Variants in RNF152 observed in about 807,000 individuals in gnomAD.
RNF152 encodes ring finger protein 152, also known as E3 ubiquitin-protein ligase RNF152.
Under a neutral mutation model 12.7 loss-of-function variants are expected in RNF152, and 11 were observed. The observed-to-expected ratio is 0.86, with a 90% CI of 0.54 to 1.43. The LOEUF (loss-of-function observed/expected upper bound fraction) is 1.43. Among genes scored for constraint, RNF152 ranks in the 40% most tolerant of loss-of-function variants. The pLI is 0.00. For synonymous variants in RNF152, 113 were observed against 120.3 expected, an observed-to-expected ratio of 0.94 and a Z score of 0.40; for missense variants, 255 against 274.8, an observed-to-expected ratio of 0.93 and a Z score of 0.51.
chr18:61,823,303 G>T (rs891020190), intron 1 of RNF152, among the ~76,000 whole-genome samples: 1 of 152,102 alleles, frequency 6.6e-6, no homozygotes, highest in Non-Finnish European at 1.5e-5. Flanking sequence ...GTTTAAACAT[G>T]TTTTTTGTTT....
intron 1 of RNF152, among the ~76,000 whole-genome samples, chr18:61,836,554 A>G (rs1259168014): frequency 1.3e-5 from 2 of 152,186 alleles, no homozygotes; most frequent in African/African-American, 4.8e-5. Flanking sequence ...TCTGCAAACC[A>G]GAAAGAAGGT....
chr18:61,866,417 G>A (rs1327491122), intron 1 of RNF152, among the ~76,000 whole-genome samples: 1 of 150,662 alleles, frequency 6.6e-6, no homozygotes, highest in Non-Finnish European at 1.5e-5. Context: ...AAGCTACAGA[G>A]TGAGAATCTG....
intron 1 of RNF152, among the ~76,000 whole-genome samples, chr18:61,834,943 A>T (rs913901705): frequency 9.9e-5 from 15 of 152,170 alleles, no homozygotes; most frequent in Non-Finnish European, 1.8e-4. Flanking sequence ...TCCCACTGCA[A>T]AGATCTGCAA....
intron 1 of RNF152, among the ~76,000 whole-genome samples, chr18:61,841,209 T>G (rs1910440516): frequency 6.6e-6 from 1 of 152,222 alleles, no homozygotes; most frequent in Admixed American, 6.5e-5. Flanking sequence ...TAGCAGTGAT[T>G]TCCAGTTTCC....
At chr18:61,841,952 C>CAAA (rs1568274013) in intron 1 of RNF152, among the ~76,000 whole-genome samples, 1 of 152,198 alleles carries the variant, frequency 6.6e-6, no homozygotes, top group East Asian at 1.9e-4. Flanking sequence ...CAATACGTAA[C>CAAA]AAATGGACAT....
At chr18:61,844,187 AAGGAAGGGAAGGAGGGAGGGAAGG>A (rs1910639853) in intron 1 of RNF152, among the ~76,000 whole-genome samples, 1 of 58,288 alleles carries the variant, frequency 1.7e-5, no homozygotes, top group African/African-American at 4.7e-5. Context: ...GAGAGGAAGG[AAGGAAGGGAAGGAGGGAGGGAAGG>A]AGGGAGGGAA....
intron 1 of RNF152, among the ~76,000 whole-genome samples, chr18:61,832,198 C>A: frequency 6.6e-6 from 1 of 152,098 alleles, no homozygotes; most frequent in East Asian, 1.9e-4. Flanking sequence ...TCTACCAGTG[C>A]AAAAGGATAT....
intron 1 of RNF152, among the ~76,000 whole-genome samples, chr18:61,836,708 T>C (rs146104794): frequency 6.7e-6 from 1 of 149,256 alleles, no homozygotes; most frequent in East Asian, 1.9e-4. Flanking sequence ...GATGGTAATG[T>C]TTTATAAGAC....
chr18:61,828,273 T>G (rs961322921), intron 1 of RNF152, among the ~76,000 whole-genome samples: 4 of 152,190 alleles, frequency 2.6e-5, no homozygotes, highest in Admixed American at 2.0e-4. Flanking sequence ...GACGGGGTCT[T>G]GCTATGTTGC....
intron 1 of RNF152, among the ~76,000 whole-genome samples, chr18:61,833,014 T>C (rs1038587539): frequency 2.6e-5 from 4 of 152,224 alleles, no homozygotes; most frequent in African/African-American, 7.2e-5. Context: ...CAGTAAGGCA[T>C]ACATTAATTC....
chr18:61,821,080 G>A (rs928870094), intron 1 of RNF152, among the ~76,000 whole-genome samples: 1 of 152,210 alleles, frequency 6.6e-6, no homozygotes, highest in East Asian at 1.9e-4. Flanking sequence ...TCTGCCCAGA[G>A]GCACTTCCTG....
At chr18:61,890,893 C>G (rs1003940886) in intron 1 of RNF152, among the ~76,000 whole-genome samples, 1 of 152,172 alleles carries the variant, frequency 6.6e-6, no homozygotes, top group Admixed American at 6.5e-5. Flanking sequence ...ACAGCAACAG[C>G]CATTTATGAA....
intron 1 of RNF152, among the ~76,000 whole-genome samples, chr18:61,868,911 AT>A (rs759372919): frequency 3.3e-5 from 5 of 152,206 alleles, no homozygotes; most frequent in Admixed American, 1.3e-4. Flanking sequence ...ACACATCTTC[AT>A]AGATGACTTA....
In RNF152 at chr18:61,815,831, G is replaced by A; in HGVS notation, c.*21C>T. On this transcript the variant is annotated 3_prime_UTR_variant, in exon 2 of 2. Coordinates refer to ENST00000312828, the MANE Select transcript of RNF152 (RefSeq NM_173557.3). Reference sequence around the variant, plus strand: ...TCAACCCCTAAGTTGGCACCCACAAGAGACTTCCCTGCAGCCCTCTTCAGC... The same window carrying A: ...TCAACCCCTAAGTTGGCACCCACAAAAGACTTCCCTGCAGCCCTCTTCAGC... 6.2e-7 allele frequency: 1 copy of A among 1,606,208 alleles called. No homozygotes were observed. Among genetic ancestry groups the A allele is most frequent in the African/African-American group, 1.3e-5 (1 of 74,954 alleles).
chr18:61,860,075 C>A (rs1213954431), intron 1 of RNF152, among the ~76,000 whole-genome samples: 1 of 151,964 alleles, frequency 6.6e-6, no homozygotes, highest in Non-Finnish European at 1.5e-5. Context: ...GGAGAGACAG[C>A]CATGTGATGA....
intron 1 of RNF152, among the ~76,000 whole-genome samples, chr18:61,842,840 AT>A (rs1049302534): frequency 3.3e-5 from 5 of 152,324 alleles, no homozygotes. Context: ...CAGGAAACCC[AT>A]TCACTATCAC....
intron 1 of RNF152, among the ~76,000 whole-genome samples, chr18:61,872,538 G>A (rs1376852202): frequency 1.3e-5 from 2 of 152,158 alleles, no homozygotes; most frequent in East Asian, 3.8e-4. Flanking sequence ...AAATATTCAT[G>A]AAATCATGCC....
At chr18:61,859,320 G>C (rs958700325) in intron 1 of RNF152, among the ~76,000 whole-genome samples, 2 of 152,194 alleles carry the variant, frequency 1.3e-5, no homozygotes, top group East Asian at 3.8e-4. Flanking sequence ...GCGTGAGAGG[G>C]CTGTTGTGGC....
chr18:61,869,365 AACAACCCCTACTTCC>A (rs1911882837), intron 1 of RNF152, among the ~76,000 whole-genome samples: 1 of 152,182 alleles, frequency 6.6e-6, no homozygotes, highest in Non-Finnish European at 1.5e-5. Flanking sequence ...GATACATAAA[AACAACCCCTACTTCC>A]AAATAAACAT....
Sources: allele counts gnomAD v4.1 joint callset (sites outside exome capture counted in the v4.1 genomes callset), GRCh38; gene constraint gnomAD v4.1.1; transcripts MANE v1.5; gene names NCBI Gene and HGNC (gene_info 2026-07-23, HGNC 2026-07-21).